Variants in MALRD1 observed in about 807,000 individuals in gnomAD.
MALRD1 encodes the protein MAM and LDL-receptor class A domain-containing protein 1.
MALRD1 carries 247 observed loss-of-function variants against 242.1 expected under a neutral mutation model. The observed-to-expected ratio is 1.02, with a 90% CI of 0.92 to 1.13. The LOEUF is 1.13. Among genes scored for constraint, MALRD1 ranks in the 50% most tolerant of loss-of-function variants. The pLI is 0.00. For missense variants in MALRD1, 2,989 were observed against 2,533.1 expected (o/e 1.18, Z -3.86); for synonymous variants, 995 against 866.6 (o/e 1.15, Z -2.60).
chr10:19,288,793 C>T (rs1289077831), intron 21 of MALRD1, among the ~76,000 whole-genome samples: 2 of 152,016 alleles, frequency 1.3e-5, no homozygotes, highest in Non-Finnish European at 2.9e-5. Flanking sequence ...CCTTACAGCC[C>T]TCTCCACAGT....
chr10:19,575,764 C>G (rs1335767621), intron 33 of MALRD1, among the ~76,000 whole-genome samples: 1 of 152,178 alleles, frequency 6.6e-6, no homozygotes, highest in East Asian at 1.9e-4. Context: ...TCAGCAAGTT[C>G]TATAAATGTT....
chr10:19,098,647 CGTAA>C (rs1564389916), intron 4 of MALRD1, among the ~76,000 whole-genome samples: 1 of 151,982 alleles, frequency 6.6e-6, no homozygotes, highest in African/African-American at 2.4e-5. Flanking sequence ...TACATATAAC[CGTAA>C]GTGTTTTTAA....
At position 19,257,682 on chromosome 10, in the gene MALRD1, A is replaced by T; in HGVS notation, c.2992-2A>T. 6.6e-7 allele frequency: 1 copy of T among 1,521,340 alleles called. No individual in the cohort carries two copies. Among genetic ancestry groups the T allele is most frequent in the Non-Finnish European group, 8.9e-7 (1 of 1,128,512 alleles). The allele number at this position is 1,521,340 out of a possible 1,614,324, so 94.2% of individuals were successfully genotyped here. On this transcript the variant is annotated splice_acceptor_variant, in intron 18 of 39. Coordinates refer to ENST00000454679, the MANE Select transcript of MALRD1 (RefSeq NM_001142308.3). LOFTEE classifies it high-confidence loss of function. ...TTTTTATTTTTTATTTTATTTTTTTAGATATTGGTGGAGGCTTCAGTGGGA... is the reference window on the plus strand; with the variant it reads ...TTTTTATTTTTTATTTTATTTTTTTTGATATTGGTGGAGGCTTCAGTGGGA...
chr10:19,125,294 C>CT, intron 7 of MALRD1, among the ~76,000 whole-genome samples: 1 of 38,642 alleles, frequency 2.6e-5, no homozygotes, highest in Non-Finnish European at 4.4e-5. Flanking sequence ...TCTTTCTTTC[C>CT]TTCCTTCCTT....
At position 19,203,855 on chromosome 10, in the gene MALRD1, G is replaced by A. The variant is rs2131614644; in HGVS notation, c.2079G>A (p.Arg693=). ...ATTTTGAGCACCAGGCTCCACCTCGGGATCATAGTCTCAACGCATCTCAAG... is the reference window on the plus strand; with the variant it reads ...ATTTTGAGCACCAGGCTCCACCTCGAGATCATAGTCTCAACGCATCTCAAG... ...SADFEHQAPP[R]DHSLNASQGH... Residue 693 remains arginine, a synonymous_variant, in exon 15 of 40, where the codon CGG becomes CGA. Transcript: ENST00000454679. The A allele has an allele frequency of 6.5e-7, 1 of 1,550,356 alleles. No individual in the cohort carries two copies.
At chr10:19,719,223 C>A (rs377481493) in intron 38 of MALRD1, among the ~76,000 whole-genome samples, 1 of 76,444 alleles carries the variant, frequency 1.3e-5, no homozygotes, top group African/African-American at 5.8e-5. Context: ...CACATACATA[C>A]ATATATATAT....
At chr10:19,512,960 G>C (rs185654326) in intron 31 of MALRD1, among the ~76,000 whole-genome samples, 1 of 152,068 alleles carries the variant, frequency 6.6e-6, no homozygotes, top group South Asian at 2.1e-4. Context: ...AATTAACATC[G>C]AATTTACTTA....
rs969611826 is a variant in MALRD1, at chr10:19,153,992, C to T, written c.1559-1083C>T. On this transcript the variant is annotated intron_variant, in intron 11 of 39. Coordinates refer to ENST00000454679, the MANE Select transcript of MALRD1 (RefSeq NM_001142308.3). ...AATATTCATTTGAATTTTACCTAAA[C>T]CTGAGCATTTTTAGGTGGAAGAATT... 2.0e-5 allele frequency among the ~76,000 whole-genome samples: 3 copies of T among 152,050 alleles called. No individual in the cohort carries two copies. The South Asian group carries it at 6.2e-4, about 32-fold the overall frequency.
chr10:19,214,259 T>C lies in MALRD1; in HGVS notation c.2991+4579T>C, dbSNP rs544755516. On this transcript the variant is annotated intron_variant, in intron 18 of 39. Transcript: ENST00000454679. ...ACAATGGGCTCCTCTTGGGCTCTTC[T>C]CCTGGAGTACTGGGCTGGAAAACTT... Among the ~76,000 whole-genome samples, 6 of 152,270 alleles carry C rather than the reference T, an allele frequency of 3.9e-5. No homozygotes were observed. The South Asian group carries it at 1.2e-3, about 32-fold the overall frequency.
chr10:19,079,709 C>A (rs1422498215), intron 2 of MALRD1, among the ~76,000 whole-genome samples: 1 of 151,838 alleles, frequency 6.6e-6, no homozygotes, highest in Non-Finnish European at 1.5e-5. Flanking sequence ...GATTGGTTGA[C>A]CCATTTGTCA....
intron 32 of MALRD1, among the ~76,000 whole-genome samples, chr10:19,540,190 C>T (rs925058723): frequency 2.4e-4 from 37 of 152,098 alleles, no homozygotes; most frequent in African/African-American, 6.3e-4. Flanking sequence ...CAGATGTTTC[C>T]GGAACCCCTT....
intron 32 of MALRD1, among the ~76,000 whole-genome samples, chr10:19,556,647 C>T (rs140783861): frequency 2.6e-5 from 4 of 152,172 alleles, no homozygotes; most frequent in African/African-American, 4.8e-5. Context: ...TGCCAGAGTT[C>T]GTTTATTCAC....
At chr10:19,597,548 G>C (rs1446838157) in intron 34 of MALRD1, among the ~76,000 whole-genome samples, 3 of 152,132 alleles carry the variant, frequency 2.0e-5, no homozygotes, top group Non-Finnish European at 4.4e-5. Flanking sequence ...TTTCCTATTG[G>C]TTTAGAATGT....
chr10:19,198,139 G>A (rs149029743), intron 14 of MALRD1, among the ~76,000 whole-genome samples: 131 of 152,222 alleles, frequency 8.6e-4, no homozygotes, highest in African/African-American at 2.3e-3. Context: ...TTAATATAGC[G>A]TCAAGTATTG....
Position 19,115,302 on chromosome 10 carries a change from G to T in MALRD1, c.695-8190G>T, listed in dbSNP as rs138152462. 6.1e-3 allele frequency among the ~76,000 whole-genome samples: 926 copies of T among 152,198 alleles called. 7 individuals carry two copies. The highest frequency in any genetic ancestry group is 0.024 in the Middle Eastern group (7 of 294). ...CGTGCTCCCTCTTCTTGGAGAGGAG[G>T]TGTCTAGAGACACCCAAGAGGAGGT... is the stretch of plus-strand genomic sequence containing the variant. On this transcript the variant is annotated intron_variant, in intron 5 of 39. Transcript: ENST00000454679.
intron 14 of MALRD1, among the ~76,000 whole-genome samples, chr10:19,190,961 T>C (rs922901601): frequency 1.3e-5 from 2 of 152,196 alleles, no homozygotes; most frequent in East Asian, 1.9e-4. Flanking sequence ...AATTGGACTT[T>C]ATGAGAGCTT....
At chr10:19,216,945 C>CAA (rs71200980) in intron 18 of MALRD1, among the ~76,000 whole-genome samples, 1 of 107,954 alleles carries the variant, frequency 9.3e-6, no homozygotes, top group African/African-American at 3.2e-5. Context: ...GACTCCGTCT[C>CAA]AAAAAAAAAA....
intron 31 of MALRD1, among the ~76,000 whole-genome samples, chr10:19,529,720 A>G (rs550181840): frequency 6.6e-6 from 1 of 152,274 alleles, no homozygotes; most frequent in South Asian, 2.1e-4. Context: ...ATATATTGTC[A>G]GTAAGAAACC....
At chr10:19,515,430 C>T (rs1012917619) in intron 31 of MALRD1, among the ~76,000 whole-genome samples, 1 of 152,040 alleles carries the variant, frequency 6.6e-6, no homozygotes, top group Non-Finnish European at 1.5e-5. Context: ...ATCTTTAGTC[C>T]TGTAATGAGA....
Sources: gnomAD v4.1 joint callset for allele counts (sites outside exome capture counted in the v4.1 genomes callset) on GRCh38, gnomAD v4.1.1 for gene constraint, MANE v1.5 for transcripts, NCBI Gene and HGNC (gene_info 2026-07-23, HGNC 2026-07-21) for gene names.